The following SAMD12 variants were observed in gnomAD, a reference collection of about 807,000 sequenced individuals.
SAMD12 encodes sterile alpha motif domain containing 12, also known as sterile alpha motif domain-containing protein 12.
In SAMD12, 9 loss-of-function variants were observed where a neutral mutation model predicts 15.0. The ratio of observed to expected loss-of-function variants is 0.60; its 90% confidence interval spans 0.36 to 1.05. The LOEUF (loss-of-function observed/expected upper bound fraction) is 1.05, where lower values mean the gene tolerates loss of function less well. Ranked by LOEUF, SAMD12 falls within the 50% of genes least tolerant of loss-of-function variation. The probability of loss-of-function intolerance (pLI) is 0.01; values close to 1 mark genes in which losing one functional copy is unlikely to be tolerated. For synonymous variants in SAMD12, 86 were observed against 90.1 expected, an observed-to-expected ratio of 0.96 and a Z score of 0.25; for missense variants, 230 against 234.2, an observed-to-expected ratio of 0.98 and a Z score of 0.12.
the SAMD12 span, among the ~76,000 whole-genome samples, chr8:118,161,295 T>C: frequency 3.9e-5 from 6 of 152,148 alleles, no homozygotes; most frequent in Non-Finnish European, 5.9e-5. Flanking sequence ...TAAACTCTTC[T>C]TCAAAAGACA....
the SAMD12 span, among the ~76,000 whole-genome samples, chr8:118,139,964 C>A: frequency 6.6e-6 from 1 of 152,156 alleles, no homozygotes; most frequent in Admixed American, 6.5e-5. Context: ...AGCTGGAAGG[C>A]GCTGGACTTC....
intron 4 of SAMD12, among the ~76,000 whole-genome samples, chr8:118,286,610 T>C (rs1009037875): frequency 6.6e-6 from 1 of 152,146 alleles, no homozygotes; most frequent in Non-Finnish European, 1.5e-5. Flanking sequence ...TTCTCCATGC[T>C]CCCTTTAGCT....
intron 2 of SAMD12, among the ~76,000 whole-genome samples, chr8:118,499,194 T>C (rs1203467410): frequency 6.6e-6 from 1 of 152,084 alleles, no homozygotes; most frequent in African/African-American, 2.4e-5. Context: ...TGAACACAAA[T>C]AGAGAAAGGG....
chr8:118,508,467 G>A (rs1046825872), intron 2 of SAMD12, among the ~76,000 whole-genome samples: 2 of 151,352 alleles, frequency 1.3e-5, no homozygotes, highest in African/African-American at 4.8e-5. Context: ...TTCTTTTTTG[G>A]TCATCTAGGA....
At position 118,379,552 on chromosome 8, in the gene SAMD12, T is replaced by G. The variant is rs5020517; in HGVS notation, c.471A>C (p.Leu157=). ...RNLQLLTQGT[L]LLPDGWMDGE... is the part of the protein sequence containing the mutation. ...CATCCATCCACCCATCAGGAAGCAATAGGGTACCTTGTGTGAGTAACTGTA... is the reference window on the plus strand; with the variant it reads ...CATCCATCCACCCATCAGGAAGCAAGAGGGTACCTTGTGTGAGTAACTGTA... The change falls in exon 4 of 4, where the codon CTA becomes CTC. Residue 157 remains leucine, a synonymous_variant. Coordinates refer to ENST00000314727, the MANE Select transcript of SAMD12 (RefSeq NM_207506.3). The G allele has an allele frequency of 6.2e-7, 1 of 1,613,478 alleles. No homozygotes were observed. Among genetic ancestry groups the G allele is most frequent in the Non-Finnish European group, 8.5e-7 (1 of 1,179,726 alleles).
chr8:118,360,128 A>G (rs911172415), intron 4 of SAMD12, among the ~76,000 whole-genome samples: 34 of 152,192 alleles, frequency 2.2e-4, no homozygotes, highest in Middle Eastern at 3.2e-3. Flanking sequence ...GTCCACTGAT[A>G]AAGAGGGACT....
the SAMD12 span, among the ~76,000 whole-genome samples, chr8:118,172,763 G>A: frequency 6.6e-6 from 1 of 151,758 alleles, no homozygotes; most frequent in South Asian, 2.1e-4. Context: ...TTTGTGATAA[G>A]AGCACCTGAG....
chr8:118,446,513 TTTTTC>T (rs763939308), intron 2 of SAMD12, among the ~76,000 whole-genome samples: 7 of 151,844 alleles, frequency 4.6e-5, no homozygotes, highest in South Asian at 4.1e-4. Flanking sequence ...AAATGATTAT[TTTTTC>T]TTTTCTTCTC....
chr8:118,269,638 C>T (rs1813297029), intron 4 of SAMD12, among the ~76,000 whole-genome samples: 1 of 152,138 alleles, frequency 6.6e-6, no homozygotes, highest in South Asian at 2.1e-4. Flanking sequence ...TGCTCTATTA[C>T]AGCTGATCAA....
intron 2 of SAMD12, among the ~76,000 whole-genome samples, chr8:118,572,157 C>T (rs1433650103): frequency 6.6e-6 from 1 of 152,216 alleles, no homozygotes; most frequent in Admixed American, 6.5e-5. Context: ...TTTGACTGTC[C>T]TGCTGGATTT....
intron 2 of SAMD12, among the ~76,000 whole-genome samples, chr8:118,574,471 A>G (rs974272676): frequency 6.6e-6 from 1 of 152,250 alleles, no homozygotes; most frequent in African/African-American, 2.4e-5. Flanking sequence ...TTGTGAAGTC[A>G]TTCAGTCTCA....
chr8:118,270,433 C>CT (rs1246001035), intron 4 of SAMD12, among the ~76,000 whole-genome samples: 1 of 152,132 alleles, frequency 6.6e-6, no homozygotes, highest in African/African-American at 2.4e-5. Context: ...CCTGAATAGA[C>CT]TTTAGTACCA....
At chr8:118,317,846 C>T (rs183699285) in intron 4 of SAMD12, among the ~76,000 whole-genome samples, 1 of 152,146 alleles carries the variant, frequency 6.6e-6, no homozygotes, top group East Asian at 1.9e-4. Flanking sequence ...TGCATTAAAT[C>T]AGTAAGAAGA....
chr8:118,576,680 C>T (rs752569462), intron 2 of SAMD12, among the ~76,000 whole-genome samples: 6 of 152,210 alleles, frequency 3.9e-5, no homozygotes, highest in Non-Finnish European at 8.8e-5. Context: ...GGACTTCAGT[C>T]TCCCATAGGG....
At chr8:118,399,081 A>G (rs924053765) in intron 3 of SAMD12, among the ~76,000 whole-genome samples, 7 of 152,206 alleles carry the variant, frequency 4.6e-5, no homozygotes, top group South Asian at 4.2e-4. Flanking sequence ...ATGAGGTCTC[A>G]CTATGTTGTC....
At chr8:118,247,791 C>T (rs1812730951) in intron 4 of SAMD12, among the ~76,000 whole-genome samples, 1 of 152,054 alleles carries the variant, frequency 6.6e-6, no homozygotes, top group Non-Finnish European at 1.5e-5. Context: ...CAGGGTTTCA[C>T]CATGTTGCCC....
chr8:118,331,650 C>T (rs1234364292), intron 4 of SAMD12, among the ~76,000 whole-genome samples: 2 of 152,134 alleles, frequency 1.3e-5, no homozygotes, highest in Non-Finnish European at 2.9e-5. Flanking sequence ...CTGAGATTAA[C>T]CAAGAGTGTG....
chr8:118,620,436 C>T lies in SAMD12; in HGVS notation c.13+1368G>A, dbSNP rs114916865. 9.3e-3 allele frequency among the ~76,000 whole-genome samples: 1,372 copies of T among 146,836 alleles called. 24 individuals carry two copies. The highest frequency in any genetic ancestry group is 0.032 in the African/African-American group (1,280 of 39,712). On this transcript the variant is annotated intron_variant, in intron 1 of 3. Coordinates refer to ENST00000314727, the MANE Select transcript of SAMD12 (RefSeq NM_207506.3). ...AAAAAAAAAAAAAAAGATTCTCACCCTACTGGTACATTTGCACAGAAAAGA... is the reference window on the plus strand; with the variant it reads ...AAAAAAAAAAAAAAAGATTCTCACCTTACTGGTACATTTGCACAGAAAAGA...
At chr8:118,404,444 T>C (rs1266399281) in intron 3 of SAMD12, among the ~76,000 whole-genome samples, 2 of 152,246 alleles carry the variant, frequency 1.3e-5, no homozygotes, top group Non-Finnish European at 2.9e-5. Flanking sequence ...ATTACCCATA[T>C]GCTAGACCAT....
Sources: allele counts gnomAD v4.1 joint callset (sites outside exome capture counted in the v4.1 genomes callset), GRCh38; gene constraint gnomAD v4.1.1; transcripts MANE v1.5; gene names NCBI Gene and HGNC (gene_info 2026-07-23, HGNC 2026-07-21).